GAREM1: variants seen among roughly 807,000 people sequenced by gnomAD.
GAREM1 encodes GRB2-associated and regulator of MAPK protein 1.
In GAREM1, 26 loss-of-function variants were observed where a neutral mutation model predicts 71.3. The ratio of observed to expected loss-of-function variants is 0.36; its 90% CI spans 0.27 to 0.51. The LOEUF (loss-of-function observed/expected upper bound fraction) is 0.51. Ranked by LOEUF, GAREM1 falls within the 20% of genes least tolerant of loss-of-function variation. The pLI is 0.95. For missense variants in GAREM1, 1,026 were observed against 1,103.1 expected (o/e 0.93, Z 0.99); for synonymous variants, 440 against 433.2 (o/e 1.02, Z -0.20).
At chr18:32,366,582 C>T (rs910612246) in intron 2 of GAREM1, among the ~76,000 whole-genome samples, 11 of 152,152 alleles carry the variant, frequency 7.2e-5, no homozygotes, top group African/African-American at 2.4e-4. Context: ...CTAAAATGGC[C>T]GGTAGACTAG....
At chr18:32,400,739 G>C (rs1435479144) in intron 1 of GAREM1, among the ~76,000 whole-genome samples, 14 of 152,174 alleles carry the variant, frequency 9.2e-5, no homozygotes, top group Admixed American at 2.6e-4. Context: ...CTGTAAACTA[G>C]TTCAACCATT....
At chr18:32,375,366 A>C (rs945290695) in intron 2 of GAREM1, among the ~76,000 whole-genome samples, 1 of 152,150 alleles carries the variant, frequency 6.6e-6, no homozygotes, top group African/African-American at 2.4e-5. Flanking sequence ...CCTAAGCTAC[A>C]TCAATACTGA....
intron 3 of GAREM1, among the ~76,000 whole-genome samples, chr18:32,307,906 T>C (rs1320264442): frequency 6.6e-6 from 1 of 152,238 alleles, no homozygotes; most frequent in African/African-American, 2.4e-5. Context: ...CAAACTTTTC[T>C]ATGACTATCC....
chr18:32,363,094 A>G (rs527994089), intron 2 of GAREM1, among the ~76,000 whole-genome samples: 7 of 152,320 alleles, frequency 4.6e-5, no homozygotes, highest in African/African-American at 1.7e-4. Context: ...TTGAATCCAA[A>G]TTGATGGGCC....
intron 4 of GAREM1, among the ~76,000 whole-genome samples, chr18:32,281,255 T>C (rs1483191827): frequency 2.6e-5 from 4 of 152,152 alleles, no homozygotes; most frequent in African/African-American, 9.7e-5. Context: ...ATAGTGAGTG[T>C]TCTGCCTGTC....
chr18:32,278,831 T>C (rs2041576466), intron 4 of GAREM1, among the ~76,000 whole-genome samples: 1 of 152,188 alleles, frequency 6.6e-6, no homozygotes, highest in Non-Finnish European at 1.5e-5. Flanking sequence ...CAAGGGCAAA[T>C]GTGATTTACA....
intron 2 of GAREM1, among the ~76,000 whole-genome samples, chr18:32,328,272 A>G (rs548813830): frequency 6.6e-6 from 1 of 152,284 alleles, no homozygotes; most frequent in East Asian, 1.9e-4. Flanking sequence ...AGGATGGCAT[A>G]TTTATTTTGA....
At chr18:32,443,801 G>A (rs772841890) in intron 1 of GAREM1, among the ~76,000 whole-genome samples, 1 of 152,086 alleles carries the variant, frequency 6.6e-6, no homozygotes, top group African/African-American at 2.4e-5. Flanking sequence ...ACAAATGTCC[G>A]CATAGTAACT....
intron 1 of GAREM1, among the ~76,000 whole-genome samples, chr18:32,415,021 A>G (rs1568002459): frequency 6.6e-6 from 1 of 152,128 alleles, no homozygotes; most frequent in Non-Finnish European, 1.5e-5. Flanking sequence ...AAAAAAGGAG[A>G]TATTACAACT....
At chr18:32,387,561 A>C (rs760692211) in intron 2 of GAREM1, among the ~76,000 whole-genome samples, 40 of 152,216 alleles carry the variant, frequency 2.6e-4, no homozygotes, top group Non-Finnish European at 5.0e-4. Flanking sequence ...AATTTTTCTT[A>C]AGTGGGTTCT....
At chr18:32,402,850 C>A (rs1305178664) in intron 1 of GAREM1, among the ~76,000 whole-genome samples, 1 of 152,136 alleles carries the variant, frequency 6.6e-6, no homozygotes, top group East Asian at 1.9e-4. Context: ...GACCTGGAAA[C>A]TTGGTAATGA....
Position 32,288,262 on chromosome 18 carries a change from C to A in GAREM1, c.394-59G>T. ...TCCTTTGATCTATTCACGCAAAGAA[C>A]TTCCTATTAAGACACACACAAATAC... On this transcript the variant is annotated intron_variant, in intron 3 of 5. Transcript: ENST00000269209. The A allele has an allele frequency of 2.2e-6, 3 of 1,392,254 alleles. No individual in the cohort carries two copies. The South Asian group carries it at 4.2e-5, about 19-fold the overall frequency. The allele number at this position is 1,392,254 out of a possible 1,614,324, so 86.2% of individuals were successfully genotyped here. A position where few individuals can be genotyped will look rare whatever the true frequency, so the allele number is the denominator to read the frequency against.
chr18:32,396,054 G>A (rs983370314), intron 1 of GAREM1, among the ~76,000 whole-genome samples: 1 of 152,210 alleles, frequency 6.6e-6, no homozygotes, highest in African/African-American at 2.4e-5. Flanking sequence ...GGCAAACAGG[G>A]TCTGGAGTGG....
intron 1 of GAREM1, among the ~76,000 whole-genome samples, chr18:32,465,630 A>C (rs935608935): frequency 6.6e-6 from 1 of 152,168 alleles, no homozygotes; most frequent in Non-Finnish European, 1.5e-5. Context: ...TCCTTTCAGC[A>C]AACAGGGCCA....
At chr18:32,272,192 ACCT>A (rs2041472535) in intron 4 of GAREM1, among the ~76,000 whole-genome samples, 1 of 152,072 alleles carries the variant, frequency 6.6e-6, no homozygotes, top group Non-Finnish European at 1.5e-5. Flanking sequence ...CACACCCGGG[ACCT>A]CTACCTCGCA....
intron 1 of GAREM1, among the ~76,000 whole-genome samples, chr18:32,438,175 G>A (rs999702607): frequency 2.6e-5 from 4 of 152,118 alleles, no homozygotes; most frequent in African/African-American, 9.7e-5. Context: ...AAAACAATAA[G>A]GAAGAGAGAA....
In GAREM1 at chr18:32,426,514, T is replaced by C. The variant is rs547261231; in HGVS notation, c.122-33479A>G. The stretch of plus-strand genomic sequence containing the variant: ...CTTCAACTTATGCCTCACTCTATTA[T>C]ATACAGGTCTGTTCTTTCAGTTTCC... On this transcript the variant is annotated intron_variant, in intron 1 of 5. Transcript: ENST00000269209. Among the ~76,000 whole-genome samples the C allele has an allele frequency of 1.3e-3, 201 of 152,366 alleles. 1 individual carries two copies. Among genetic ancestry groups the C allele is most frequent in the African/African-American group, 4.6e-3 (192 of 41,586 alleles).
At chr18:32,440,722 A>G (rs1324252677) in intron 1 of GAREM1, among the ~76,000 whole-genome samples, 1 of 152,198 alleles carries the variant, frequency 6.6e-6, no homozygotes, top group Non-Finnish European at 1.5e-5. Context: ...TTCTGTAGAC[A>G]ACAGTGGCAT....
At chr18:32,341,553 C>A (rs956432998) in intron 2 of GAREM1, among the ~76,000 whole-genome samples, 25 of 152,212 alleles carry the variant, frequency 1.6e-4, no homozygotes, top group African/African-American at 5.5e-4. Context: ...GGAATCATCA[C>A]ACTATCTTCC....
Sources: allele counts gnomAD v4.1 joint callset (sites outside exome capture counted in the v4.1 genomes callset), GRCh38; gene constraint gnomAD v4.1.1; transcripts MANE v1.5; gene names NCBI Gene and HGNC (gene_info 2026-07-23, HGNC 2026-07-21).